ZDHHC5: variants seen among roughly 807,000 people sequenced by gnomAD.
The protein encoded by ZDHHC5 is zDHHC palmitoyltransferase 5, also known as palmitoyltransferase ZDHHC5.
In ZDHHC5, 22 loss-of-function variants were observed where a neutral mutation model predicts 70.0. The observed-to-expected ratio is 0.31, with a 90% CI of 0.22 to 0.45. The LOEUF (loss-of-function observed/expected upper bound fraction) is 0.45. Among genes scored for constraint, ZDHHC5 ranks in the 20% least tolerant of loss-of-function variants. The pLI, the probability that ZDHHC5 is intolerant of heterozygous loss-of-function variation, is 1.00. For synonymous variants in ZDHHC5, 313 were observed against 347.8 expected (o/e 0.90, Z 1.11); for missense variants, 746 against 926.9 (o/e 0.80, Z 2.53).
intron 10 of ZDHHC5, among the ~76,000 whole-genome samples, chr11:57,698,118 A>AACACAC (rs113494839): frequency 0.26 from 28,197 of 110,208 alleles, 3,580 homozygotes; most frequent in East Asian, 0.63. Flanking sequence ...CTGGGCTTAA[A>AACACAC]ACACACACAC....
Position 57,692,616 on chromosome 11 carries a change from G to A in ZDHHC5, c.666G>A (p.Thr222=), listed in dbSNP as rs200838978. The part of the protein sequence containing the change: ...ARGRTTNEQV[T]GKFRGGVNPF... ...TATTTTTTTTCTCCCTCTAGGTTAC[G>A]GGTAAATTCCGGGGAGGTGTGAACC... The change falls in exon 7 of 12, where the codon ACG becomes ACA. Residue 222 remains threonine (T), a synonymous_variant. Coordinates refer to ENST00000287169, the MANE Select transcript of ZDHHC5 (RefSeq NM_015457.3). 2.4e-4 allele frequency: 388 copies of A among 1,613,890 alleles called. No individual in the cohort carries two copies. The highest frequency in any genetic ancestry group is 3.1e-4 in the Non-Finnish European group (360 of 1,179,998).
chr11:57,688,080 A>T (rs1946233615), intron 3 of ZDHHC5, among the ~76,000 whole-genome samples: 1 of 152,144 alleles, frequency 6.6e-6, no homozygotes, highest in South Asian at 2.1e-4. Flanking sequence ...TGGGCAAAGG[A>T]TTCGTGCCTG....
Position 57,672,416 on chromosome 11 carries a change from T to A in ZDHHC5, c.-675T>A, listed in dbSNP as rs923756902. ...AAGAGAGAAATAAATTAAACCACCA[T>A]TGCCAGACTACAAGCCCTGGTGAAG... On this transcript the variant is annotated 5_prime_UTR_variant, in exon 2 of 12. The change creates a new upstream start codon in the 5' untranslated region. Transcript: ENST00000287169. The A allele has an allele frequency of 2.6e-5, 10 of 389,204 alleles. No homozygotes were observed. The highest frequency in any genetic ancestry group is 4.5e-5 in the Non-Finnish European group (10 of 220,734). 24.1% of individuals were successfully genotyped at this position (389,204 alleles called of 1,614,324 possible).
intron 10 of ZDHHC5, 61 bp downstream of exon 10, chr11:57,696,934 T>A (rs1301668246): frequency 1.3e-6 from 2 of 1,544,186 alleles, no homozygotes; most frequent in Admixed American, 3.5e-5. Context: ...CAGTGGCTCA[T>A]TCCTGTAATC....
At chr11:57,693,559 TA>T (rs1456771438) in intron 7 of ZDHHC5, among the ~76,000 whole-genome samples, 1 of 152,226 alleles carries the variant, frequency 6.6e-6, no homozygotes. Flanking sequence ...AGATACACTC[TA>T]AAGTGCTTTC....
intron 4 of ZDHHC5, 115 bp downstream of exon 4, chr11:57,688,780 A>G: frequency 8.4e-7 from 1 of 1,189,524 alleles, no homozygotes; most frequent in Non-Finnish European, 1.1e-6. Flanking sequence ...TACGTTGGCC[A>G]CATGGTCCAG....
chr11:57,676,953 A>T (rs1218100621), intron 2 of ZDHHC5, among the ~76,000 whole-genome samples: 1 of 99,210 alleles, frequency 1.0e-5, no homozygotes. Flanking sequence ...ATGGAGTCTT[A>T]CTCTGTCGCC....
intron 9 of ZDHHC5, among the ~76,000 whole-genome samples, chr11:57,696,265 A>C (rs1946350476): frequency 6.6e-6 from 1 of 152,232 alleles, no homozygotes; most frequent in Non-Finnish European, 1.5e-5. Flanking sequence ...GTCAGCCTCT[A>C]GGCAGACCAG....
chr11:57,671,192 G>A (rs527752048), intron 1 of ZDHHC5, among the ~76,000 whole-genome samples: 61 of 152,292 alleles, frequency 4.0e-4, no homozygotes, highest in African/African-American at 1.3e-3. Flanking sequence ...ATTTTAAAGA[G>A]TGGGATAAGG....
chr11:57,675,198 T>C (rs549462730), intron 2 of ZDHHC5, among the ~76,000 whole-genome samples: 34 of 152,216 alleles, frequency 2.2e-4, no homozygotes, highest in Non-Finnish European at 4.4e-4. Context: ...TTAACTCTGC[T>C]CAATTGGGGA....
At position 57,698,997 on chromosome 11, in the gene ZDHHC5, A is replaced by G. The variant is rs149770457; in HGVS notation, c.1561A>G (p.Thr521Ala). The part of the protein sequence containing the change: ...EAERHPRLVP[T>A]GPTHREPSPV... Reference sequence around the variant, plus strand: ...TGAGAGGCACCCACGTTTGGTGCCAACTGGCCCAACACACCGAGAGCCCTC... The same window carrying G: ...TGAGAGGCACCCACGTTTGGTGCCAGCTGGCCCAACACACCGAGAGCCCTC... The change falls in exon 11 of 12, where the codon ACT becomes GCT. Residue 521 changes from threonine to alanine, a missense_variant. By Grantham distance (58) the Thr-to-Ala change is moderately conservative. Transcript: ENST00000287169. The G allele has an allele frequency of 3.7e-6, 6 of 1,609,946 alleles. No homozygotes were observed. The African/African-American group carries it at 6.7e-5, about 18-fold the overall frequency.
At chr11:57,693,665 GC>G (rs1161516162) in intron 7 of ZDHHC5, 117 bp from the exon 8 acceptor site, 1 of 1,401,814 alleles carries the variant, frequency 7.1e-7, no homozygotes, top group African/African-American at 1.5e-5. Flanking sequence ...GGCCAAAACT[GC>G]AATTACTTTT....
intron 2 of ZDHHC5, among the ~76,000 whole-genome samples, chr11:57,674,316 G>GT (rs34645509): frequency 0.25 from 35,686 of 140,860 alleles, 5,061 homozygotes; most frequent in Non-Finnish European, 0.34. Context: ...TTTTTCCTCA[G>GT]TTTTTTTTTT....
chr11:57,694,806 A>T (rs1034828570), intron 8 of ZDHHC5, among the ~76,000 whole-genome samples: 1 of 152,204 alleles, frequency 6.6e-6, no homozygotes, highest in Non-Finnish European at 1.5e-5. Flanking sequence ...ACAGAATTAA[A>T]ACCTTTTTTA....
At chr11:57,693,654 T>A in intron 7 of ZDHHC5, 129 bp from the exon 8 acceptor site, 1 of 1,363,606 alleles carries the variant, frequency 7.3e-7, no homozygotes. Flanking sequence ...AAGTAAGTGA[T>A]GGCCAAAACT....
chr11:57,681,311 C>T (rs1946147417), intron 2 of ZDHHC5, among the ~76,000 whole-genome samples: 1 of 152,156 alleles, frequency 6.6e-6, no homozygotes. Flanking sequence ...GTTCTCCTGT[C>T]CTCTTCTTCC....
chr11:57,690,508 G>A, intron 6 of ZDHHC5, 71 bp downstream of exon 6: 6 of 1,488,248 alleles, frequency 4.0e-6, no homozygotes, highest in Non-Finnish European at 4.7e-6. Context: ...TTAGTGTGCA[G>A]TGTAGTGCTT....
At chr11:57,669,267 C>G (rs1180787074) in intron 1 of ZDHHC5, among the ~76,000 whole-genome samples, 1 of 152,186 alleles carries the variant, frequency 6.6e-6, no homozygotes, top group African/African-American at 2.4e-5. Flanking sequence ...CTCTATTGTA[C>G]TGTTACACCG....
chr11:57,695,429 A>C (rs1303311321), intron 8 of ZDHHC5, among the ~76,000 whole-genome samples: 1 of 152,080 alleles, frequency 6.6e-6, no homozygotes, highest in East Asian at 1.9e-4. Context: ...CAAAAAAAAA[A>C]ACCCAACTTT....
Sources: allele counts gnomAD v4.1 joint callset (sites outside exome capture counted in the v4.1 genomes callset), GRCh38; gene constraint gnomAD v4.1.1; transcripts MANE v1.5; gene names NCBI Gene and HGNC (gene_info 2026-07-23, HGNC 2026-07-21).